MEAK7: variants seen among roughly 807,000 people sequenced by gnomAD.
MEAK7 encodes MTOR associated protein MEAK7, also known as MTOR-associated protein MEAK7.
MEAK7 carries 68 observed loss-of-function variants against 40.5 expected under a neutral mutation model. The observed-to-expected ratio is 1.68, with a 90% CI of 1.38 to 2.06. The LOEUF (loss-of-function observed/expected upper bound fraction) is 2.06. Among genes scored for constraint, MEAK7 ranks in the 30% most tolerant of loss-of-function variants. The pLI is 0.00. For missense variants in MEAK7, 918 were observed against 580.5 expected (o/e 1.58, Z -5.98); for synonymous variants, 338 against 231.9 (o/e 1.46, Z -4.16).
intron 4 of MEAK7, among the ~76,000 whole-genome samples, chr16:84,489,028 T>C (rs1362410559): frequency 6.6e-6 from 1 of 152,202 alleles, no homozygotes; most frequent in Non-Finnish European, 1.5e-5. Flanking sequence ...GAAAACCCTT[T>C]AGCTAGACTA....
rs1912218879 is a variant in MEAK7, at chr16:84,478,363, T to G, written c.*1550A>C. On this transcript the variant is annotated 3_prime_UTR_variant, in exon 8 of 8. Coordinates refer to ENST00000343629, the MANE Select transcript of MEAK7 (RefSeq NM_020947.4). ...TCGAAGGCTAATTTATGAGGCATTC[T>G]GCCTGAGTCAGGGCTATTGCTAAGT... The G allele has an allele frequency of 1.3e-5, 2 of 152,240 alleles. No individual in the cohort carries two copies. Among genetic ancestry groups the G allele is most frequent in the African/African-American group, 4.8e-5 (2 of 41,454 alleles). The allele number at this position is 152,240 out of a possible 1,614,324, so 9.4% of individuals were successfully genotyped here.
intron 1 of MEAK7, among the ~76,000 whole-genome samples, chr16:84,499,636 C>A (rs1305590476): frequency 6.6e-6 from 1 of 152,138 alleles, no homozygotes; most frequent in Non-Finnish European, 1.5e-5. Context: ...TCGGAGAAAA[C>A]CCTGTACACG....
chr16:84,500,444 G>A (rs111349666), intron 1 of MEAK7, among the ~76,000 whole-genome samples: 1 of 152,196 alleles, frequency 6.6e-6, no homozygotes, highest in South Asian at 2.1e-4. Flanking sequence ...CCCCACTAAA[G>A]CGAGTTATTT....
chr16:84,480,736 G>C (rs772214098), intron 6 of MEAK7, 28 bp from the exon 7 acceptor site: 2 of 1,585,288 alleles, frequency 1.3e-6, no homozygotes, highest in Admixed American at 1.8e-5. Flanking sequence ...ACAGAGAATA[G>C]CATCAGCAAC....
At chr16:84,493,350 C>T (rs900858789) in intron 3 of MEAK7, among the ~76,000 whole-genome samples, 3 of 152,084 alleles carry the variant, frequency 2.0e-5, no homozygotes, top group East Asian at 1.9e-4. Context: ...ATATCGGTTC[C>T]GATAACTTCA....
rs1333129362 is a variant in MEAK7 at position 84,489,371 on chromosome 16, C to T, written c.436G>A (p.Glu146Lys). 1.2e-6 allele frequency: 2 copies of T among 1,614,176 alleles called. No individual in the cohort carries two copies. Among genetic ancestry groups the T allele is most frequent in the Non-Finnish European group, 1.7e-6 (2 of 1,180,018 alleles). ...SVVHVLSHRQ[E>K]LRGWTGKEAP... ...TCCTTCCCAGTCCAGCCTCTCAGCT[C>T]CTGTCTGTGGCTTAGCACGTGCACC... is the stretch of plus-strand genomic sequence containing the variant. Residue 146 changes from glutamate (E) to lysine (K), a missense_variant, in exon 4 of 8, where the codon GAG (glutamate) becomes AAG (lysine). By Grantham distance (56) the Glu-to-Lys change is moderately conservative (BLOSUM62 1). Transcript: ENST00000343629.
intron 1 of MEAK7, among the ~76,000 whole-genome samples, chr16:84,503,184 G>C (rs1031563301): frequency 1.4e-5 from 2 of 145,948 alleles, no homozygotes; most frequent in East Asian, 4.0e-4. Context: ...TAACTGATAA[G>C]TGCATATATC....
At chr16:84,496,928 A>C (rs1914098674) in intron 2 of MEAK7, 1 of 157,232 alleles carries the variant, frequency 6.4e-6, no homozygotes, top group African/African-American at 2.4e-5. Flanking sequence ...GTCTGTGTAC[A>C]GCTAATTTCG....
intron 2 of MEAK7, 53 bp from the exon 3 acceptor site, chr16:84,495,966 G>C: frequency 1.3e-6 from 2 of 1,578,024 alleles, no homozygotes; most frequent in South Asian, 1.1e-5. Context: ...GTTGAACTTG[G>C]TTACTAGGAG....
chr16:84,484,472 C>A (rs1348107892), intron 5 of MEAK7, among the ~76,000 whole-genome samples: 1 of 152,208 alleles, frequency 6.6e-6, no homozygotes, highest in Admixed American at 6.5e-5. Flanking sequence ...ACTCAAAATC[C>A]TGTGTTCAAT....
At position 84,478,141 on chromosome 16, in the gene MEAK7, G is replaced by A. The variant is rs1912202962; in HGVS notation, c.*1772C>T. The A allele has an allele frequency of 6.6e-6, 1 of 150,802 alleles. No individual in the cohort carries two copies. The highest frequency in any genetic ancestry group is 1.5e-5 in the Non-Finnish European group (1 of 67,440). 9.3% of individuals were successfully genotyped at this position (150,802 alleles called of 1,614,324 possible). On this transcript the variant is annotated 3_prime_UTR_variant, in exon 8 of 8. Coordinates refer to ENST00000343629, the MANE Select transcript of MEAK7 (RefSeq NM_020947.4). ...ACATTGCAAAACAAAGTGACAATAGGGACCTAAATTCTTTGGACTTACGGT... is the reference window on the plus strand; with the variant it reads ...ACATTGCAAAACAAAGTGACAATAGAGACCTAAATTCTTTGGACTTACGGT...
At position 84,479,588 on chromosome 16, in the gene MEAK7, C is replaced by G. The variant is rs980198609; in HGVS notation, c.*325G>C. 9.4e-6 allele frequency: 2 copies of G among 212,230 alleles called. No homozygotes were observed. Among genetic ancestry groups the G allele is most frequent in the African/African-American group, 2.3e-5 (1 of 43,750 alleles). The allele number at this position is 212,230 out of a possible 1,614,324, so 13.1% of individuals were successfully genotyped here. On this transcript the variant is annotated 3_prime_UTR_variant, in exon 8 of 8. Coordinates refer to ENST00000343629, the MANE Select transcript of MEAK7 (RefSeq NM_020947.4). ...TAATGCCAGCGGGGGTCTGAAAGGT[C>G]TCAGCTGCTTAGGATTTCGTTGGTA...
chr16:84,479,683 C>T lies in MEAK7; in HGVS notation c.*230G>A. On this transcript the variant is annotated 3_prime_UTR_variant, in exon 8 of 8. Coordinates refer to ENST00000343629, the MANE Select transcript of MEAK7 (RefSeq NM_020947.4). ...TTTCTTGGAGAGATCCTGAGGGTGACCCTGTAGGGAAAAAAAGAAAACTTA... is the reference window on the plus strand; with the variant it reads ...TTTCTTGGAGAGATCCTGAGGGTGATCCTGTAGGGAAAAAAAGAAAACTTA... 7.8e-6 allele frequency: 3 copies of T among 386,334 alleles called. No individual in the cohort carries two copies. The highest frequency in any genetic ancestry group is 1.4e-5 in the Non-Finnish European group (3 of 217,456). The allele number at this position is 386,334 out of a possible 1,614,324, so 23.9% of individuals were successfully genotyped here.
At chr16:84,481,944 A>G (rs184115576) in intron 6 of MEAK7, among the ~76,000 whole-genome samples, 63 of 152,170 alleles carry the variant, frequency 4.1e-4, no homozygotes, top group Non-Finnish European at 8.4e-4. Flanking sequence ...AAGAAAAAAA[A>G]GAAAAGAAAA....
intron 3 of MEAK7, among the ~76,000 whole-genome samples, chr16:84,491,693 C>T (rs1913626775): frequency 6.6e-6 from 1 of 151,756 alleles, no homozygotes; most frequent in Non-Finnish European, 1.5e-5. Context: ...AAAAAATTAC[C>T]TGGGCGTGGT....
chr16:84,504,106 T>C (rs912579720), intron 1 of MEAK7: 11 of 985,398 alleles, frequency 1.1e-5, no homozygotes, highest in Non-Finnish European at 1.3e-5. Context: ...TGTCCTGTGC[T>C]GGCCACCTAC....
rs371004996 is a variant in MEAK7 at position 84,480,037 on chromosome 16, G to T, written c.1258-11C>A. 4.1e-5 allele frequency: 65 copies of T among 1,582,888 alleles called. 1 individual carries two copies. Among genetic ancestry groups the T allele is most frequent in the Middle Eastern group, 3.4e-4 (2 of 5,966 alleles). On this transcript the variant is annotated splice_polypyrimidine_tract_variant and intron_variant, in intron 7 of 7. Coordinates refer to ENST00000343629, the MANE Select transcript of MEAK7 (RefSeq NM_020947.4). ...CTTGTTGCCCTTGGCCTTGAGAAGA[G>T]AAGAAAGGGTGGGTGTGTTCCATGA... is the stretch of plus-strand genomic sequence containing the variant.
chr16:84,489,043 G>A (rs897382038), intron 4 of MEAK7, among the ~76,000 whole-genome samples: 4 of 152,182 alleles, frequency 2.6e-5, no homozygotes, highest in African/African-American at 9.7e-5. Context: ...AGACTAAGAG[G>A]AAAAAGGGAC....
chr16:84,490,980 G>GCTTC (rs147749983), intron 3 of MEAK7, among the ~76,000 whole-genome samples: 2 of 151,830 alleles, frequency 1.3e-5, no homozygotes, highest in Non-Finnish European at 2.9e-5. Context: ...CTCTTAAGCT[G>GCTTC]CTTTTCTACT....
Sources: allele counts gnomAD v4.1 joint callset (sites outside exome capture counted in the v4.1 genomes callset), GRCh38; gene constraint gnomAD v4.1.1; transcripts MANE v1.5; gene names NCBI Gene and HGNC (gene_info 2026-07-23, HGNC 2026-07-21).